Variants in PTPRD observed in about 807,000 individuals in gnomAD.
PTPRD encodes receptor-type tyrosine-protein phosphatase delta.
A neutral mutation model predicts 214.5 loss-of-function variants in PTPRD; 34 were observed. The ratio of observed to expected loss-of-function variants is 0.16; its 90% CI spans 0.12 to 0.21. The LOEUF is 0.21. PTPRD is among the 10% of genes least tolerant of loss of function. The pLI is 1.00. For synonymous variants in PTPRD, 1,128 were observed against 845.7 expected (o/e 1.33, Z -5.79); for missense variants, 2,545 against 2,398.7 (o/e 1.06, Z -1.27).
intron 9 of PTPRD, among the ~76,000 whole-genome samples, chr9:9,213,887 T>C (rs2132994834): frequency 6.6e-6 from 1 of 152,306 alleles, no homozygotes; most frequent in South Asian, 2.1e-4. Context: ...TTATCCCTTG[T>C]TCAGCTTTGT....
intron 11 of PTPRD, among the ~76,000 whole-genome samples, chr9:8,778,771 T>C (rs922410965): frequency 2.6e-5 from 4 of 152,170 alleles, no homozygotes; most frequent in Non-Finnish European, 1.5e-5. Flanking sequence ...GTGGCTACAA[T>C]ATTCATCCAC....
chr9:9,202,677 T>C (rs1024432925), intron 9 of PTPRD, among the ~76,000 whole-genome samples: 30 of 152,274 alleles, frequency 2.0e-4, no homozygotes, highest in Non-Finnish European at 2.4e-4. Context: ...ATGAATGACA[T>C]TTGTATTGAG....
At chr9:8,836,420 A>T (rs1375036021) in intron 11 of PTPRD, among the ~76,000 whole-genome samples, 1 of 152,002 alleles carries the variant, frequency 6.6e-6, no homozygotes. Flanking sequence ...CCTAAAAATA[A>T]AAAAGTTTTT....
rs1261749701 is a variant in PTPRD, at chr9:8,976,591, G to C, written c.-104+42106C>G. Reference sequence around the variant, plus strand: ...TCCTAGACTTAAAACAATTGCATAAGATTGTCAGTGTAAAGAAAAGTTTTG... The same window carrying C: ...TCCTAGACTTAAAACAATTGCATAACATTGTCAGTGTAAAGAAAAGTTTTG... On this transcript the variant is annotated intron_variant, in intron 11 of 45. Coordinates refer to ENST00000381196, the MANE Select transcript of PTPRD (RefSeq NM_002839.4). Among the ~76,000 whole-genome samples, 4 of 152,218 alleles carry C rather than the reference G, an allele frequency of 2.6e-5. No individual in the cohort carries two copies. The East Asian group carries it at 7.7e-4, about 29-fold the overall frequency.
intron 11 of PTPRD, among the ~76,000 whole-genome samples, chr9:8,968,690 G>A (rs1318641898): frequency 6.6e-6 from 1 of 152,076 alleles, no homozygotes; most frequent in African/African-American, 2.4e-5. Context: ...AAGTGAAGGA[G>A]CCAAGACTGT....
At chr9:8,680,318 C>T (rs2097526742) in intron 12 of PTPRD, among the ~76,000 whole-genome samples, 1 of 152,240 alleles carries the variant, frequency 6.6e-6, no homozygotes, top group Non-Finnish European at 1.5e-5. Context: ...AATTAAAATA[C>T]ACCTTAGGAA....
intron 2 of PTPRD, among the ~76,000 whole-genome samples, chr9:10,404,228 C>A (rs1200749302): frequency 1.3e-5 from 2 of 151,790 alleles, no homozygotes; most frequent in Non-Finnish European, 2.9e-5. Context: ...CTGAGATTCT[C>A]AACCAGGGGT....
rs187402337 is a variant in PTPRD, at chr9:9,972,744, G to A, written c.-471-34134C>T. 3.2e-3 allele frequency among the ~76,000 whole-genome samples: 482 copies of A among 152,144 alleles called. 4 individuals carry two copies. The highest frequency in any genetic ancestry group is 0.011 in the African/African-American group (461 of 41,514). Reference sequence around the variant, plus strand: ...TCCTTACCTTTTTCAGCTTCTAGAGGCTGCCTGCATGCCTTGTCTTGTGGC... The same window carrying A: ...TCCTTACCTTTTTCAGCTTCTAGAGACTGCCTGCATGCCTTGTCTTGTGGC... On this transcript the variant is annotated intron_variant, in intron 4 of 45. Coordinates refer to ENST00000381196, the MANE Select transcript of PTPRD (RefSeq NM_002839.4).
chr9:9,681,260 C>A (rs897691146), intron 7 of PTPRD, among the ~76,000 whole-genome samples: 13 of 151,534 alleles, frequency 8.6e-5, no homozygotes, highest in African/African-American at 2.9e-4. Context: ...GGGTGCGGAG[C>A]CCTGTTTCCT....
chr9:10,369,466 T>C (rs2097572458), intron 2 of PTPRD, among the ~76,000 whole-genome samples: 1 of 151,902 alleles, frequency 6.6e-6, no homozygotes. Context: ...GCTGAGTGTA[T>C]CCATACGAAC....
chr9:9,939,668 G>A (rs760755781), intron 4 of PTPRD, among the ~76,000 whole-genome samples: 2 of 152,148 alleles, frequency 1.3e-5, no homozygotes, highest in Non-Finnish European at 2.9e-5. Flanking sequence ...CTCTGTGAAT[G>A]AATCATGTGG....
intron 11 of PTPRD, among the ~76,000 whole-genome samples, chr9:8,815,261 C>A (rs1396615845): frequency 6.6e-6 from 1 of 152,092 alleles, no homozygotes; most frequent in African/African-American, 2.4e-5. Context: ...TCTGCTGCTG[C>A]TACTGTCATA....
intron 2 of PTPRD, among the ~76,000 whole-genome samples, chr9:10,369,406 G>A (rs7865822): frequency 0.06 from 9,101 of 152,010 alleles, 779 homozygotes; most frequent in African/African-American, 0.2. Flanking sequence ...TGGTAATGGC[G>A]GGGACAGAGT....
intron 14 of PTPRD, among the ~76,000 whole-genome samples, chr9:8,579,537 C>G (rs2092830800): frequency 6.6e-6 from 1 of 151,880 alleles, no homozygotes; most frequent in Non-Finnish European, 1.5e-5. Flanking sequence ...AAGTCCTGGG[C>G]AATAAAAGTA....
chr9:10,453,485 C>A (rs76900406), intron 2 of PTPRD, among the ~76,000 whole-genome samples: 1,811 of 151,528 alleles, frequency 0.012, 33 homozygotes, highest in African/African-American at 0.039. Context: ...AATATCTTCC[C>A]TCAATGTTTT....
At chr9:10,361,654 T>C (rs1036358235) in intron 2 of PTPRD, among the ~76,000 whole-genome samples, 4 of 152,188 alleles carry the variant, frequency 2.6e-5, no homozygotes, top group African/African-American at 9.6e-5. Flanking sequence ...CAAAATTCTA[T>C]GTCAAAATCT....
chr9:9,610,103 G>A (rs1042013842), intron 7 of PTPRD, among the ~76,000 whole-genome samples: 20 of 152,140 alleles, frequency 1.3e-4, no homozygotes, highest in Admixed American at 1.2e-3. Context: ...AAATAAAGAT[G>A]TGCCAAGCTC....
At chr9:10,506,361 T>C (rs1487334786) in intron 2 of PTPRD, among the ~76,000 whole-genome samples, 1 of 152,168 alleles carries the variant, frequency 6.6e-6, no homozygotes, top group African/African-American at 2.4e-5. Context: ...CTTGGTACCA[T>C]ACTATTAGCC....
chr9:10,522,652 A>C (rs10756059), intron 2 of PTPRD, among the ~76,000 whole-genome samples: 58,888 of 151,742 alleles, frequency 0.39, 13,007 homozygotes, highest in Non-Finnish European at 0.52. Flanking sequence ...GGAAGGGTAG[A>C]CTCAACCTGA....
Sources: gnomAD v4.1 joint callset for allele counts (sites outside exome capture counted in the v4.1 genomes callset) on GRCh38, gnomAD v4.1.1 for gene constraint, MANE v1.5 for transcripts, NCBI Gene and HGNC (gene_info 2026-07-23, HGNC 2026-07-21) for gene names.